Variants in FHIP1A observed in about 807,000 individuals in gnomAD.
FHIP1A encodes FHF complex subunit HOOK interacting protein 1A, also known as FHF complex subunit HOOK-interacting protein 1A.
A neutral mutation model predicts 88.6 loss-of-function variants in FHIP1A; 61 were observed. The observed-to-expected ratio is 0.69, with a 90% CI of 0.56 to 0.85. FHIP1A has a LOEUF of 0.85. Ranked by LOEUF, FHIP1A falls within the 40% of genes least tolerant of loss-of-function variation. FHIP1A has a pLI of 0.00. For missense variants in FHIP1A, 1,154 were observed against 1,273.5 expected, an observed-to-expected ratio of 0.91 and a Z score of 1.43; for synonymous variants, 478 against 496.0, an observed-to-expected ratio of 0.96 and a Z score of 0.48.
At chr4:151,492,913 A>G (rs1730336470) in intron 3 of FHIP1A, among the ~76,000 whole-genome samples, 1 of 152,222 alleles carries the variant, frequency 6.6e-6, no homozygotes, top group South Asian at 2.1e-4. Context: ...ATCTAAGGTC[A>G]CTTCAAGGAC....
rs1736936737 is a variant in FHIP1A at position 151,649,700 on chromosome 4, G to A, written c.1659G>A (p.Gly553=). The A allele has an allele frequency of 1.3e-6, 2 of 1,551,402 alleles. No homozygotes were observed. Among genetic ancestry groups the A allele is most frequent in the African/African-American group, 1.4e-5 (1 of 72,976 alleles). Residue 553 remains glycine, a synonymous_variant, in exon 11 of 14, where the codon GGG becomes GGA. Transcript: ENST00000435205. ...GSVSSACPVF[G]LPQQLPRKTG... ...TGAGCTCGGCCTGCCCTGTGTTCGG[G>A]CTCCCGCAACAACTCCCCAGGAAGA...
At chr4:151,606,167 A>G (rs1231594549) in intron 7 of FHIP1A, among the ~76,000 whole-genome samples, 1 of 152,280 alleles carries the variant, frequency 6.6e-6, no homozygotes, top group Middle Eastern at 3.4e-3. Context: ...ATGCCTCTCT[A>G]GTCTGGGAGA....
intron 7 of FHIP1A, among the ~76,000 whole-genome samples, chr4:151,612,480 A>G (rs765659004): frequency 1.3e-5 from 2 of 152,196 alleles, no homozygotes; most frequent in Non-Finnish European, 2.9e-5. Context: ...TTCCGGCTTC[A>G]TGCAATTCTC....
At chr4:151,607,729 A>T (rs1187571310) in intron 7 of FHIP1A, among the ~76,000 whole-genome samples, 1 of 152,142 alleles carries the variant, frequency 6.6e-6, no homozygotes, top group East Asian at 1.9e-4. Context: ...TACCTACCTT[A>T]TCGGGCTTTT....
At chr4:151,650,658 A>C (rs888210169) in intron 11 of FHIP1A, 66 bp downstream of exon 11, 14 of 1,467,674 alleles carry the variant, frequency 9.5e-6, no homozygotes, top group Non-Finnish European at 1.3e-5. Flanking sequence ...GGAACAGGAA[A>C]GGAAGGTAGG....
chr4:151,490,944 A>G (rs1238949378), intron 3 of FHIP1A, among the ~76,000 whole-genome samples: 1 of 152,062 alleles, frequency 6.6e-6, no homozygotes, highest in African/African-American at 2.4e-5. Flanking sequence ...GACAAAGACT[A>G]AGAAAAAAAG....
intron 3 of FHIP1A, among the ~76,000 whole-genome samples, chr4:151,517,636 GGTCAATGATAGATGGAAT>G (rs1335581513): frequency 6.6e-6 from 1 of 151,972 alleles, no homozygotes; most frequent in Non-Finnish European, 1.5e-5. Flanking sequence ...AAGATGCCTT[GGTCAATGATAGATGGAAT>G]GTAGAACTGT....
chr4:151,617,868 A>G (rs1357771130), intron 7 of FHIP1A, among the ~76,000 whole-genome samples: 1 of 152,198 alleles, frequency 6.6e-6, no homozygotes, highest in East Asian at 1.9e-4. Flanking sequence ...CCTGGGTGAC[A>G]GAGAGAGACT....
chr4:151,654,144 A>G (rs17027757), intron 11 of FHIP1A, among the ~76,000 whole-genome samples: 4,838 of 151,794 alleles, frequency 0.032, 267 homozygotes, highest in African/African-American at 0.11. Context: ...ATTTTTAATT[A>G]CACATGCCCA....
intron 3 of FHIP1A, among the ~76,000 whole-genome samples, chr4:151,541,831 G>A (rs1190630160): frequency 6.6e-6 from 1 of 152,184 alleles, no homozygotes; most frequent in Non-Finnish European, 1.5e-5. Context: ...CACAATAGAT[G>A]TTCATGCTCC....
intron 7 of FHIP1A, among the ~76,000 whole-genome samples, chr4:151,613,011 T>C (rs1176360660): frequency 6.6e-6 from 1 of 152,184 alleles, no homozygotes; most frequent in Non-Finnish European, 1.5e-5. Context: ...TTAACTGATT[T>C]AACTGGATCA....
chr4:151,648,118 TA>T (rs1736865530), intron 10 of FHIP1A, among the ~76,000 whole-genome samples: 1 of 152,210 alleles, frequency 6.6e-6, no homozygotes, highest in African/African-American at 2.4e-5. Context: ...CTGTCCGGGG[TA>T]AATAATTTGC....
At chr4:151,540,569 C>T (rs1732246308) in intron 3 of FHIP1A, among the ~76,000 whole-genome samples, 1 of 152,054 alleles carries the variant, frequency 6.6e-6, no homozygotes, top group South Asian at 2.1e-4. Flanking sequence ...CATTTTTAAG[C>T]TCAAAGGTGT....
chr4:151,553,000 G>A (rs1047927307), intron 3 of FHIP1A, among the ~76,000 whole-genome samples: 5 of 152,044 alleles, frequency 3.3e-5, no homozygotes, highest in Non-Finnish European at 7.4e-5. Context: ...GATGTGATTT[G>A]TTCTAGTGTT....
At chr4:151,518,594 T>C (rs1219900443) in intron 3 of FHIP1A, among the ~76,000 whole-genome samples, 1 of 149,590 alleles carries the variant, frequency 6.7e-6, no homozygotes. Flanking sequence ...AATTCTACCA[T>C]TAACATTGTT....
chr4:151,563,866 G>T (rs1202193115), intron 3 of FHIP1A, among the ~76,000 whole-genome samples: 1 of 152,066 alleles, frequency 6.6e-6, no homozygotes, highest in Admixed American at 6.6e-5. Context: ...GGTGGCACAT[G>T]CCTGTAGTCC....
At chr4:151,614,833 C>T (rs1434885411) in intron 7 of FHIP1A, among the ~76,000 whole-genome samples, 1 of 152,140 alleles carries the variant, frequency 6.6e-6, no homozygotes, top group Admixed American at 6.5e-5. Context: ...CATCTGAGAG[C>T]ATTGATTCTA....
chr4:151,650,284 G>T lies in FHIP1A; in HGVS notation c.2243G>T (p.Ser748Ile). 6.4e-7 allele frequency: 1 copy of T among 1,551,742 alleles called. No homozygotes were observed. Among genetic ancestry groups the T allele is most frequent in the East Asian group, 2.4e-5 (1 of 40,916 alleles). Reference sequence around the variant, plus strand: ...AACCTGACAGCCGCCCACCCGGAGAGCGAGGAGCTCATTGCCCAGTATGAC... The same window carrying T: ...AACCTGACAGCCGCCCACCCGGAGATCGAGGAGCTCATTGCCCAGTATGAC... The part of the protein sequence containing the change: ...SSNLTAAHPE[S>I]EELIAQYDQI... Residue 748 changes from serine (S) to isoleucine (I), a missense_variant, in exon 11 of 14, where the codon AGC becomes ATC. Ser to Ile is a moderately radical substitution (Grantham distance 142). Coordinates refer to ENST00000435205, the MANE Select transcript of FHIP1A (RefSeq NM_001109977.3).
chr4:151,536,656 T>C (rs565064777), intron 3 of FHIP1A, among the ~76,000 whole-genome samples: 1 of 152,356 alleles, frequency 6.6e-6, no homozygotes, highest in East Asian at 1.9e-4. Flanking sequence ...TTTTTATTGC[T>C]GAGTGGTATT....
Sources: gnomAD v4.1 joint callset for allele counts (sites outside exome capture counted in the v4.1 genomes callset) on GRCh38, gnomAD v4.1.1 for gene constraint, MANE v1.5 for transcripts, NCBI Gene and HGNC (gene_info 2026-07-23, HGNC 2026-07-21) for gene names.